Variants in DAZL observed in about 807,000 individuals in gnomAD.
The protein encoded by DAZL is deleted in azoospermia-like.
In DAZL, 4 loss-of-function variants were observed where a neutral mutation model predicts 45.0. The observed-to-expected ratio is 0.09, with a 90% CI of 0.04 to 0.20. The LOEUF (loss-of-function observed/expected upper bound fraction) is 0.20, where lower values mean the gene tolerates loss of function less well. Among genes scored for constraint, DAZL ranks in the 10% least tolerant of loss-of-function variants. DAZL has a pLI of 1.00. For synonymous variants in DAZL, 122 were observed against 112.4 expected (o/e 1.09, Z -0.54); for missense variants, 326 against 351.3 (o/e 0.93, Z 0.58).
intron 1 of DAZL, chr3:16,604,585 C>T: frequency 7.1e-7 from 1 of 1,411,056 alleles, no homozygotes; most frequent in South Asian, 1.6e-5. Context: ...GCCATGCCTT[C>T]AGGACGCCCC....
chr3:16,587,800 G>A lies in DAZL; in HGVS notation c.*860C>T, dbSNP rs1426017558. ...AAAAACAATTCCCTTCAGATACTCT[G>A]ATTAACCTCTAAGAGACATAAAAAA... On this transcript the variant is annotated 3_prime_UTR_variant, in exon 11 of 11. Transcript: ENST00000399444. 1.9e-5 allele frequency: 3 copies of A among 156,146 alleles called. No homozygotes were observed. Among genetic ancestry groups the A allele is most frequent in the Admixed American group, 6.6e-5 (1 of 15,210 alleles). The allele number at this position is 156,146 out of a possible 1,614,324, so 9.7% of individuals were successfully genotyped here. A position where few individuals can be genotyped will look rare whatever the true frequency, so the allele number is the denominator to read the frequency against.
At chr3:16,599,006 C>T (rs993993995) in intron 1 of DAZL, among the ~76,000 whole-genome samples, 2 of 152,056 alleles carry the variant, frequency 1.3e-5, no homozygotes, top group African/African-American at 4.8e-5. Flanking sequence ...TGGTCTCGAA[C>T]TCCCGACCTC....
chr3:16,591,117 C>T (rs1298753332), intron 10 of DAZL, among the ~76,000 whole-genome samples: 3 of 152,116 alleles, frequency 2.0e-5, no homozygotes, highest in Non-Finnish European at 4.4e-5. Context: ...AGTTCTTTTT[C>T]CTATTCATAG....
chr3:16,589,940 G>A (rs538435652), intron 10 of DAZL, among the ~76,000 whole-genome samples: 5 of 152,076 alleles, frequency 3.3e-5, no homozygotes, highest in South Asian at 4.2e-4. Context: ...CAAGTGTAGC[G>A]GTGCATGTCT....
At chr3:16,599,313 A>T (rs958354521) in intron 1 of DAZL, among the ~76,000 whole-genome samples, 4 of 152,200 alleles carry the variant, frequency 2.6e-5, no homozygotes, top group African/African-American at 7.2e-5. Context: ...GACAAATATT[A>T]AAAAACTCCA....
chr3:16,589,609 G>T (rs1694487838), intron 10 of DAZL, among the ~76,000 whole-genome samples: 1 of 152,198 alleles, frequency 6.6e-6, no homozygotes, highest in African/African-American at 2.4e-5. Context: ...AATACCTCAT[G>T]CATTCAAATT....
Position 16,588,442 on chromosome 3 carries a change from ATTTT to A in DAZL, c.*214_*217del, listed in dbSNP as rs1382169977. ...ATCTTAGTTTCTTTCAGTCTCAATT[ATTTT>A]TTTACTTTCAACTATATTTCAACAC... is the stretch of plus-strand genomic sequence containing the variant. On this transcript the variant is annotated 3_prime_UTR_variant, in exon 11 of 11. Coordinates refer to ENST00000399444, the MANE Select transcript of DAZL (RefSeq NM_001351.4). 1 of 388,378 alleles carries A rather than the reference ATTTT, an allele frequency of 2.6e-6. No homozygotes were observed. The highest frequency in any genetic ancestry group is 2.0e-5 in the African/African-American group (1 of 49,206). The allele number at this position is 388,378 out of a possible 1,614,324, so 24.1% of individuals were successfully genotyped here.
intron 10 of DAZL, among the ~76,000 whole-genome samples, chr3:16,589,311 G>T (rs1295306764): frequency 6.6e-6 from 1 of 152,162 alleles, no homozygotes; most frequent in Non-Finnish European, 1.5e-5. Flanking sequence ...GCCTTAAAAG[G>T]AGAAATGGGA....
chr3:16,596,682 G>A lies in DAZL; in HGVS notation c.498+68C>T, dbSNP rs182968701. The A allele has an allele frequency of 1.3e-5, 20 of 1,538,472 alleles. No homozygotes were observed. The East Asian group carries it at 2.3e-4, about 17-fold the overall frequency. On this transcript the variant is annotated intron_variant, in intron 6 of 10. Transcript: ENST00000399444. ...CCATTACCACTTACTACAGAAATTG[G>A]ATGTAATTCCACAGAAGGTACGATG...
At chr3:16,596,648 A>G in intron 6 of DAZL, 102 bp downstream of exon 6, 2 of 1,278,404 alleles carry the variant, frequency 1.6e-6, no homozygotes, top group Non-Finnish European at 2.3e-6. Flanking sequence ...AAGTATTCAA[A>G]CAGGGATGCC....
chr3:16,598,620 T>A, intron 1 of DAZL, 22 bp from the exon 2 acceptor site: 1 of 1,586,576 alleles, frequency 6.3e-7, no homozygotes, highest in Non-Finnish European at 8.5e-7. Context: ...AAAGTAGACA[T>A]CATAATTAGA....
At chr3:16,591,702 G>C in intron 10 of DAZL, among the ~76,000 whole-genome samples, 1 of 152,162 alleles carries the variant, frequency 6.6e-6, no homozygotes, top group African/African-American at 2.4e-5. Flanking sequence ...CAAAAGTGCT[G>C]GGATTACAGG....
Position 16,591,104 on chromosome 3 carries a change from G to A in DAZL, c.834+946C>T, listed in dbSNP as rs137867179. 1.6e-4 allele frequency among the ~76,000 whole-genome samples: 24 copies of A among 152,262 alleles called. No individual in the cohort carries two copies. The East Asian group carries it at 4.6e-3, about 29-fold the overall frequency. On this transcript the variant is annotated intron_variant, in intron 10 of 10. Coordinates refer to ENST00000399444, the MANE Select transcript of DAZL (RefSeq NM_001351.4). ...ATTTCTCTCCCATTGGACTGACCAA[G>A]TTAGTTCTTTTTCCTATTCATAGAC...
In DAZL at chr3:16,605,371, A is replaced by G. The variant is rs1694763834; in HGVS notation, c.-166T>C. ...AAAGGAAAACCAAGAGCGGGTGACA[A>G]GGCTGAGGAGCCCCGAAAGGCGGAC... On this transcript the variant is annotated 5_prime_UTR_variant, in exon 1 of 11. Transcript: ENST00000399444. The G allele has an allele frequency of 1.2e-6, 1 of 825,072 alleles. No homozygotes were observed. Among genetic ancestry groups the G allele is most frequent in the African/African-American group, 1.7e-5 (1 of 59,150 alleles). 51.1% of individuals were successfully genotyped at this position (825,072 alleles called of 1,614,324 possible).
chr3:16,598,264 ATT>A, intron 2 of DAZL, 86 bp from the exon 3 acceptor site: 5 of 1,426,798 alleles, frequency 3.5e-6, no homozygotes, highest in Non-Finnish European at 4.9e-6. Context: ...TGATGTGACA[ATT>A]TCTCCCCCAT....
intron 8 of DAZL, 137 bp downstream of exon 8, chr3:16,594,396 A>C (rs1395005161): frequency 1.5e-6 from 1 of 673,160 alleles, no homozygotes; most frequent in Non-Finnish European, 2.4e-6. Flanking sequence ...AGAAAGTAAC[A>C]AAATGTAACA....
At chr3:16,598,307 A>T in intron 2 of DAZL, 129 bp from the exon 3 acceptor site, 1 of 1,411,104 alleles carries the variant, frequency 7.1e-7, no homozygotes, top group Non-Finnish European at 9.9e-7. Flanking sequence ...GCTCTTTGTC[A>T]AAGATATTTT....
chr3:16,586,833 A>G lies in DAZL; in HGVS notation c.*1827T>C, dbSNP rs1181738696. ...TTTATTTTTATTCATGTATGCAAAGACAGTATCAGCAATAGGCAGAAGCAT... is the reference window on the plus strand; with the variant it reads ...TTTATTTTTATTCATGTATGCAAAGGCAGTATCAGCAATAGGCAGAAGCAT... On this transcript the variant is annotated 3_prime_UTR_variant, in exon 11 of 11. Transcript: ENST00000399444. 1 of 152,202 alleles carries G rather than the reference A, an allele frequency of 6.6e-6. No homozygotes were observed. The highest frequency in any genetic ancestry group is 2.4e-5 in the African/African-American group (1 of 41,444). 9.4% of individuals were successfully genotyped at this position (152,202 alleles called of 1,614,324 possible).
In DAZL at chr3:16,587,022, A is replaced by G. The variant is rs1304013582; in HGVS notation, c.*1638T>C. The G allele has an allele frequency of 1.3e-5, 2 of 152,140 alleles. No homozygotes were observed. The highest frequency in any genetic ancestry group is 2.9e-5 in the Non-Finnish European group (2 of 68,014). 9.4% of individuals were successfully genotyped at this position (152,140 alleles called of 1,614,324 possible). On this transcript the variant is annotated 3_prime_UTR_variant, in exon 11 of 11. Transcript: ENST00000399444. ...TTAGAAGTAGCTCTTTAGAATATAG[A>G]TATCATTTATAGTAAGCTGGAGATT...
Sources: gnomAD v4.1 joint callset for allele counts (sites outside exome capture counted in the v4.1 genomes callset) on GRCh38, gnomAD v4.1.1 for gene constraint, MANE v1.5 for transcripts, NCBI Gene and HGNC (gene_info 2026-07-23, HGNC 2026-07-21) for gene names.